ZBTB16: variants seen among roughly 807,000 people sequenced by gnomAD.
ZBTB16 encodes zinc finger and BTB domain containing 16, also known as zinc finger and BTB domain-containing protein 16.
ZBTB16 carries 8 observed loss-of-function variants against 56.8 expected under a neutral mutation model. The ratio of observed to expected loss-of-function variants is 0.14; its 90% CI spans 0.08 to 0.25. ZBTB16 has a LOEUF of 0.25. Among genes scored for constraint, ZBTB16 ranks in the 10% least tolerant of loss-of-function variants. The pLI is 1.00. For synonymous variants in ZBTB16, 363 were observed against 368.5 expected, an observed-to-expected ratio of 0.98 and a Z score of 0.17; for missense variants, 625 against 903.0, an observed-to-expected ratio of 0.69 and a Z score of 3.95.
At chr11:114,136,288 C>T (rs559018788) in intron 2 of ZBTB16, among the ~76,000 whole-genome samples, 5 of 152,314 alleles carry the variant, frequency 3.3e-5, no homozygotes, top group African/African-American at 9.6e-5. Context: ...AAAGCCCCCA[C>T]TGTTTGGGGG....
In ZBTB16 at chr11:114,247,307, C is replaced by T. The variant is rs1944833657; in HGVS notation, c.1734C>T (p.Gly578=). Residue 578 remains glycine, a synonymous_variant, in exon 6 of 7, where the codon GGC becomes GGT. Transcript: ENST00000335953. The stretch of plus-strand genomic sequence containing the variant: ...GTGAGAAACCCTACGAGTGCAATGG[C>T]TGTGGCAAGAAGTTCAGCCTCAAGC... ...HTGEKPYECN[G]CGKKFSLKHQ... is the part of the protein sequence containing the mutation. 6.2e-7 allele frequency: 1 copy of T among 1,614,152 alleles called. No homozygotes were observed. Among genetic ancestry groups the T allele is most frequent in the South Asian group, 1.1e-5 (1 of 91,094 alleles).
Position 114,235,706 on chromosome 11 carries a change from T to TCTA in ZBTB16, c.1454-6461_1454-6460insCTA, listed in dbSNP as rs762075806. Among the ~76,000 whole-genome samples, 40 of 137,390 alleles carry TCTA rather than the reference T, an allele frequency of 2.9e-4. 1 individual carries two copies. The highest frequency in any genetic ancestry group is 5.3e-4 in the African/African-American group (19 of 35,858). 90.1% of individuals were successfully genotyped at this position (137,390 alleles called of 152,430 possible). Reference sequence around the variant, plus strand: ...TCTTTCTTTCTTTTCTTTCTTTCTTTTCTTTCTTTCTTTTTCTTTCTTTCT... The same window carrying TCTA: ...TCTTTCTTTCTTTTCTTTCTTTCTTTCTATCTTTCTTTCTTTTTCTTTCTTTCT... On this transcript the variant is annotated intron_variant, in intron 4 of 6. Transcript: ENST00000335953.
intron 2 of ZBTB16, among the ~76,000 whole-genome samples, chr11:114,151,448 C>T (rs1942276607): frequency 6.6e-6 from 1 of 152,150 alleles, no homozygotes; most frequent in Non-Finnish European, 1.5e-5. Flanking sequence ...CGGGAGAGAG[C>T]AGTGGGTAGT....
chr11:114,240,659 G>A (rs948835548), intron 4 of ZBTB16, among the ~76,000 whole-genome samples: 1 of 152,200 alleles, frequency 6.6e-6, no homozygotes, highest in African/African-American at 2.4e-5. Flanking sequence ...TGAGCTGCCA[G>A]TTAGGACTCA....
rs77966700 is a variant in ZBTB16, at chr11:114,092,397, G to A, written c.1268+27829G>A. ...AAACCTATTTTGTGGTCTGGGGTTG[G>A]GGCGGGGGCACACTGCCTCGATCCT... is the stretch of plus-strand genomic sequence containing the variant. On this transcript the variant is annotated intron_variant, in intron 2 of 6. Coordinates refer to ENST00000335953, the MANE Select transcript of ZBTB16 (RefSeq NM_006006.6). 1.4e-3 allele frequency among the ~76,000 whole-genome samples: 213 copies of A among 152,268 alleles called. 1 individual carries two copies. Among genetic ancestry groups the A allele is most frequent in the African/African-American group, 4.8e-3 (198 of 41,560 alleles).
At chr11:114,073,915 C>T (rs974237386) in intron 2 of ZBTB16, among the ~76,000 whole-genome samples, 3 of 152,206 alleles carry the variant, frequency 2.0e-5, no homozygotes, top group Middle Eastern at 3.2e-3. Context: ...AATGTGCCAC[C>T]AAACCATCGT....
At chr11:114,074,286 C>T (rs1266405131) in intron 2 of ZBTB16, among the ~76,000 whole-genome samples, 8 of 152,228 alleles carry the variant, frequency 5.3e-5, no homozygotes, top group Non-Finnish European at 8.8e-5. Context: ...CCTGTTGGCA[C>T]GGCTCTCCTT....
Position 114,254,942 on chromosome 11 carries a change from C to T in ZBTB16, c.*4387C>T, listed in dbSNP as rs2135228959. ...GTGCAGGCCCTGCAGGCCGGTTAGCCAGCAGCTGCGGCCTCCCCGGGCCCT... is the reference window on the plus strand; with the variant it reads ...GTGCAGGCCCTGCAGGCCGGTTAGCTAGCAGCTGCGGCCTCCCCGGGCCCT... On this transcript the variant is annotated 3_prime_UTR_variant, in exon 7 of 7. Transcript: ENST00000335953. Among the ~76,000 whole-genome samples, 1 of 152,310 alleles carries T rather than the reference C, an allele frequency of 6.6e-6. No homozygotes were observed. Among genetic ancestry groups the T allele is most frequent in the Middle Eastern group, 3.4e-3 (1 of 292 alleles).
intron 4 of ZBTB16, among the ~76,000 whole-genome samples, chr11:114,227,406 C>T (rs1944349671): frequency 3.3e-5 from 5 of 152,238 alleles, no homozygotes; most frequent in Admixed American, 3.3e-4. Flanking sequence ...AGCCTATCCC[C>T]CCTCATGTTA....
At chr11:114,168,590 C>G (rs1287950181) in intron 3 of ZBTB16, among the ~76,000 whole-genome samples, 1 of 152,218 alleles carries the variant, frequency 6.6e-6, no homozygotes, top group African/African-American at 2.4e-5. Flanking sequence ...GATCATAAAG[C>G]TAGAAAGTAG....
In ZBTB16 at chr11:114,252,811, C is replaced by T. The variant is rs1189449898; in HGVS notation, c.*2256C>T. Among the ~76,000 whole-genome samples the T allele has an allele frequency of 6.6e-6, 1 of 152,092 alleles. No homozygotes were observed. Among genetic ancestry groups the T allele is most frequent in the East Asian group, 1.9e-4 (1 of 5,186 alleles). ...GTCCCTCGGCCCCAGCCCTCCTGCC[C>T]TCCCCTTCAATCTCATCCACCAAAT... On this transcript the variant is annotated 3_prime_UTR_variant, in exon 7 of 7. Transcript: ENST00000335953.
chr11:114,088,542 T>A (rs372708604), intron 2 of ZBTB16, among the ~76,000 whole-genome samples: 1 of 152,186 alleles, frequency 6.6e-6, no homozygotes, highest in Admixed American at 6.5e-5. Context: ...CAGCCCCGCT[T>A]CGTCCACTGC....
chr11:114,139,061 A>G (rs919528315), intron 2 of ZBTB16, among the ~76,000 whole-genome samples: 2 of 152,122 alleles, frequency 1.3e-5, no homozygotes, highest in Non-Finnish European at 2.9e-5. Flanking sequence ...CCAGTTTTCT[A>G]AAAAAAGAGG....
intron 2 of ZBTB16, among the ~76,000 whole-genome samples, chr11:114,068,022 ACAACAGCCCTAT>A (rs1939185821): frequency 6.7e-6 from 1 of 149,716 alleles, no homozygotes; most frequent in Admixed American, 6.6e-5. Flanking sequence ...AAAAAAAAAA[ACAACAGCCCTAT>A]AACCAGTACA....
intron 3 of ZBTB16, among the ~76,000 whole-genome samples, chr11:114,186,304 G>A (rs116556318): frequency 8.5e-4 from 129 of 152,304 alleles, no homozygotes; most frequent in African/African-American, 2.8e-3. Context: ...GGCAGCCCGC[G>A]TGGTTCAGTG....
chr11:114,210,372 T>C (rs1006168415), intron 4 of ZBTB16, among the ~76,000 whole-genome samples: 1 of 152,076 alleles, frequency 6.6e-6, no homozygotes, highest in Non-Finnish European at 1.5e-5. Flanking sequence ...AATAAATAAC[T>C]CTAACCCTGC....
rs577771996 is a variant in ZBTB16 at position 114,129,047 on chromosome 11, A to C, written c.1269-27290A>C. 1.6e-3 allele frequency among the ~76,000 whole-genome samples: 242 copies of C among 152,266 alleles called. 1 individual carries two copies. The highest frequency in any genetic ancestry group is 5.3e-3 in the African/African-American group (221 of 41,554). Reference sequence around the variant, plus strand: ...TCAGGTGCCCAGAATCTGTTTGGCCACTTTCATCTGGGTCTGCGTGGGTGG... The same window carrying C: ...TCAGGTGCCCAGAATCTGTTTGGCCCCTTTCATCTGGGTCTGCGTGGGTGG... On this transcript the variant is annotated intron_variant, in intron 2 of 6. Coordinates refer to ENST00000335953, the MANE Select transcript of ZBTB16 (RefSeq NM_006006.6).
chr11:114,202,988 A>G (rs1943769966), intron 4 of ZBTB16, among the ~76,000 whole-genome samples: 1 of 152,262 alleles, frequency 6.6e-6, no homozygotes, highest in African/African-American at 2.4e-5. Context: ...ATGTGTCCAC[A>G]TAAAAACTTA....
rs1050765962 is a variant in ZBTB16, at chr11:114,254,764, C to T, written c.*4209C>T. On this transcript the variant is annotated 3_prime_UTR_variant, in exon 7 of 7. Transcript: ENST00000335953. ...TGCCGGCTTGGCTGTAATGGTGGCA[C>T]TTACCTGGATATTTCAGTGGGAGGA... Among the ~76,000 whole-genome samples, 15 of 152,160 alleles carry T rather than the reference C, an allele frequency of 9.9e-5. No individual in the cohort carries two copies. The highest frequency in any genetic ancestry group is 2.6e-4 in the Admixed American group (4 of 15,280).
Sources: allele counts gnomAD v4.1 joint callset (sites outside exome capture counted in the v4.1 genomes callset), GRCh38; gene constraint gnomAD v4.1.1; transcripts MANE v1.5; gene names NCBI Gene and HGNC (gene_info 2026-07-23, HGNC 2026-07-21).